PHF24: variants seen among roughly 807,000 people sequenced by gnomAD.
PHF24 encodes PHD finger protein 24, also known as Galpha inhibitory interacting protein.
A neutral mutation model predicts 42.6 loss-of-function variants in PHF24; 25 were observed. The ratio of observed to expected loss-of-function variants is 0.59; its 90% CI spans 0.43 to 0.82. The LOEUF is 0.82. Among genes scored for constraint, PHF24 ranks in the 40% least tolerant of loss-of-function variants. PHF24 has a pLI of 0.00. For missense variants in PHF24, 470 were observed against 538.1 expected (o/e 0.87, Z 1.25); for synonymous variants, 185 against 204.8 (o/e 0.90, Z 0.83).
the PHF24 span, among the ~76,000 whole-genome samples, chr9:34,694,690 A>G: frequency 1.8e-4 from 28 of 152,028 alleles, no homozygotes; most frequent in Non-Finnish European, 5.9e-5. Flanking sequence ...TCTGGTCTCA[A>G]ATTCCTGACC....
chr9:34,847,809 A>G, the PHF24 span, among the ~76,000 whole-genome samples: 1 of 152,102 alleles, frequency 6.6e-6, no homozygotes, highest in Non-Finnish European at 1.5e-5. Flanking sequence ...TTTTAGCATG[A>G]AGCGTTGTTG....
the PHF24 span, among the ~76,000 whole-genome samples, chr9:34,859,362 G>A: frequency 6.6e-6 from 1 of 152,146 alleles, no homozygotes; most frequent in Admixed American, 6.5e-5. Context: ...AGTTTGAGGG[G>A]GGAATTGAAA....
chr9:34,888,179 T>C, the PHF24 span, among the ~76,000 whole-genome samples: 8 of 152,260 alleles, frequency 5.3e-5, no homozygotes, highest in Admixed American at 5.2e-4. Context: ...ATATCATCTC[T>C]TCTAGGAAAC....
intron 1 of PHF24, among the ~76,000 whole-genome samples, chr9:34,962,705 C>T (rs961400908): frequency 1.3e-5 from 2 of 152,214 alleles, no homozygotes; most frequent in African/African-American, 4.8e-5. Context: ...TGCTGAAAAG[C>T]TCTGCTTGCT....
chr9:34,780,298 C>CTTTTTTTTTT, the PHF24 span, among the ~76,000 whole-genome samples: 15 of 63,904 alleles, frequency 2.3e-4, no homozygotes, highest in East Asian at 1.3e-3. Flanking sequence ...TTCTTTTTTT[C>CTTTTTTTTTT]TTTTTTTTTT....
chr9:34,699,634 C>T, the PHF24 span, among the ~76,000 whole-genome samples: 1 of 152,132 alleles, frequency 6.6e-6, no homozygotes, highest in Non-Finnish European at 1.5e-5. Context: ...ATACCATCTG[C>T]CTGGAGTGCC....
At chr9:34,876,588 T>C in the PHF24 span, among the ~76,000 whole-genome samples, 1 of 151,972 alleles carries the variant, frequency 6.6e-6, no homozygotes, top group Admixed American at 6.6e-5. Context: ...GAAAAGATGC[T>C]CAACATCATT....
the PHF24 span, among the ~76,000 whole-genome samples, chr9:34,769,272 C>T: frequency 5.9e-5 from 9 of 152,036 alleles, no homozygotes; most frequent in Non-Finnish European, 1.0e-4. Context: ...CCCAACACCA[C>T]GCCTGGCTAA....
chr9:34,767,424 C>T, the PHF24 span, among the ~76,000 whole-genome samples: 4 of 152,384 alleles, frequency 2.6e-5, 1 homozygote, highest in South Asian at 8.3e-4. Context: ...GCCCCTCCCC[C>T]AGCCTCGCTG....
the PHF24 span, among the ~76,000 whole-genome samples, chr9:34,916,599 A>G: frequency 1.3e-5 from 2 of 152,236 alleles, no homozygotes; most frequent in Non-Finnish European, 2.9e-5. Flanking sequence ...TAACATTGAA[A>G]GTACAAAGGA....
At chr9:34,704,258 T>A in the PHF24 span, among the ~76,000 whole-genome samples, 25 of 151,754 alleles carry the variant, frequency 1.6e-4, no homozygotes, top group Non-Finnish European at 3.1e-4. Flanking sequence ...CTCAAACTCC[T>A]GGCTTCAAGC....
At chr9:34,729,147 G>A in the PHF24 span, 1 of 1,085,582 alleles carries the variant, frequency 9.2e-7, no homozygotes, top group Non-Finnish European at 1.3e-6. Flanking sequence ...TATAGTCTCT[G>A]AGAAGAAAAG....
chr9:34,872,517 C>G, the PHF24 span, among the ~76,000 whole-genome samples: 2 of 151,272 alleles, frequency 1.3e-5, no homozygotes, highest in African/African-American at 2.4e-5. Context: ...TCACCCATGT[C>G]CCTACAAAGG....
upstream of PHF24, among the ~76,000 whole-genome samples, chr9:34,953,150 C>G (rs1053005285): frequency 1.3e-5 from 2 of 152,176 alleles, no homozygotes; most frequent in African/African-American, 4.8e-5. This position sits in a 1 kb window ranked among gnomAD's most constrained non-coding sequence, Gnocchi z 4.1. Flanking sequence ...AAACTTTGCT[C>G]TGCAAAAGAC....
At chr9:34,772,070 T>A in the PHF24 span, among the ~76,000 whole-genome samples, 1 of 152,214 alleles carries the variant, frequency 6.6e-6, no homozygotes, top group Non-Finnish European at 1.5e-5. Flanking sequence ...AAATCAGCCT[T>A]ACAAAGGTTT....
the PHF24 span, among the ~76,000 whole-genome samples, chr9:34,682,303 A>G: frequency 6.6e-6 from 1 of 151,934 alleles, no homozygotes; most frequent in Non-Finnish European, 1.5e-5. Context: ...TTGATCGTGG[A>G]CTTCTAACCT....
chr9:34,832,681 C>A, the PHF24 span: 3 of 1,542,502 alleles, frequency 1.9e-6, no homozygotes, highest in East Asian at 4.9e-5. Context: ...AAGCTAGACT[C>A]TGTAAGGCTG....
At chr9:34,690,970 C>T in the PHF24 span, 1 of 843,338 alleles carries the variant, frequency 1.2e-6, no homozygotes, top group Non-Finnish European at 1.9e-6. Flanking sequence ...AATATACAGA[C>T]CTAAGCATTT....
chr9:34,734,593 T>C, the PHF24 span, among the ~76,000 whole-genome samples: 1 of 152,188 alleles, frequency 6.6e-6, no homozygotes, highest in Admixed American at 6.5e-5. Flanking sequence ...AAATCACGTA[T>C]AGGTGAAGAC....
Sources: gnomAD v4.1 joint callset for allele counts (sites outside exome capture counted in the v4.1 genomes callset) on GRCh38, gnomAD v4.1.1 for gene constraint, Gnocchi (gnomAD v3.1) non-coding constraint, MANE v1.5 for transcripts, NCBI Gene and HGNC (gene_info 2026-07-23, HGNC 2026-07-21) for gene names.